PLCH2: variants seen among roughly 807,000 people sequenced by gnomAD.
PLCH2 encodes 1-phosphatidylinositol 4,5-bisphosphate phosphodiesterase eta-2.
PLCH2 carries 98 observed loss-of-function variants against 134.7 expected under a neutral mutation model. The ratio of observed to expected loss-of-function variants is 0.73; its 90% CI spans 0.62 to 0.86. The LOEUF (loss-of-function observed/expected upper bound fraction) is 0.86, where lower values mean the gene tolerates loss of function less well. Among genes scored for constraint, PLCH2 ranks in the 40% least tolerant of loss-of-function variants. The pLI is 0.00. For missense variants in PLCH2, 1,994 were observed against 1,986.6 expected, an observed-to-expected ratio of 1.00 and a Z score of -0.07; for synonymous variants, 974 against 827.5, an observed-to-expected ratio of 1.18 and a Z score of -3.04.
Position 2,505,001 on chromosome 1 carries a change from C to A in PLCH2, c.4039C>A (p.Arg1347Ser), listed in dbSNP as rs755753283. 5 of 1,545,740 alleles carry A rather than the reference C, an allele frequency of 3.2e-6. 1 individual carries two copies. The Admixed American group carries it at 7.7e-5, about 24-fold the overall frequency. ...CTCCTCCCGCAGCCACAGCCGCGTG[C>A]GTGCCATTGCCAGCCGGGCCCGCCA... ...RSSSRSHSRV[R>S]AIASRARQAQ... The change falls in exon 22 of 22, where the codon CGT becomes AGT. Residue 1347 changes from arginine (R) to serine (S), a missense_variant. Arg to Ser is a moderately radical substitution (Grantham distance 110, BLOSUM62 -1). Around this residue, in one of 2 missense-constraint regions of PLCH2, gnomAD observed 900 missense variants for 752.3 expected, o/e 1.20. Transcript: ENST00000378486.
At chr1:2,503,533 C>T (rs367597512) in intron 21 of PLCH2, 69 of 682,218 alleles carry the variant, frequency 1.0e-4, no homozygotes, top group East Asian at 8.4e-4. Context: ...GGGACATACA[C>T]GGAGCCCGCC....
Position 2,489,357 on chromosome 1 carries a change from C to G in PLCH2, c.1386C>G (p.Leu462=), listed in dbSNP as rs1642440587. ...CCACACTCCCCTCTCCACAGATGCT[C>G]AAGGGCAAGATCCTCGTGAAGGTGA... The part of the protein sequence containing the change: ...DATTLPSPQM[L]KGKILVKGKK... Residue 462 remains leucine (L), a synonymous_variant, in exon 9 of 22, where the codon CTC becomes CTG. Coordinates refer to ENST00000378486, the MANE Select transcript of PLCH2 (RefSeq NM_014638.4). 1 of 1,613,754 alleles carries G rather than the reference C, an allele frequency of 6.2e-7. No homozygotes were observed. The highest frequency in any genetic ancestry group is 1.1e-5 in the South Asian group (1 of 91,076).
rs532102312 is a variant in PLCH2 at position 2,467,464 on chromosome 1, G to C, written c.-156G>C. ...CTCGCCTTCCTCACCTTCCTCACGG[G>C]CGGGCGCGGCAGGGCAGCGTGTGGG... On this transcript the variant is annotated 5_prime_UTR_variant, in exon 1 of 22. Transcript: ENST00000449969. 8.0e-4 allele frequency: 315 copies of C among 393,008 alleles called. 2 individuals carry two copies. Among genetic ancestry groups the C allele is most frequent in the African/African-American group, 6.0e-3 (291 of 48,422 alleles). The allele number at this position is 393,008 out of a possible 1,614,324, so 24.3% of individuals were successfully genotyped here. A position where few individuals can be genotyped will look rare whatever the true frequency, so the allele number is the denominator to read the frequency against.
upstream of PLCH2, among the ~76,000 whole-genome samples, chr1:2,475,389 G>T (rs1641559756): frequency 6.6e-6 from 1 of 152,242 alleles, no homozygotes; most frequent in Non-Finnish European, 1.5e-5. Flanking sequence ...CGAAGCATGG[G>T]CATGGCCAGG....
At position 2,450,468 on chromosome 1, in the gene PLCH2, G is replaced by A. The variant is rs371635538; in HGVS notation, c.115+19839G>A. On this transcript the variant is annotated intron_variant, in intron 2 of 3. Coordinates refer to the PLCH2 transcript ENST00000609981. The stretch of plus-strand genomic sequence containing the variant: ...GCTCGTTACCAAGTGCCCCCAACTC[G>A]GCCTGCCTCCCTATTCAGCCTGCGC... 9.2e-4 allele frequency among the ~76,000 whole-genome samples: 138 copies of A among 150,460 alleles called. 1 individual carries two copies. The East Asian group carries it at 0.024, about 26-fold the overall frequency.
chr1:2,465,048 C>T (rs1432537545), upstream of PLCH2, among the ~76,000 whole-genome samples: 3 of 152,156 alleles, frequency 2.0e-5, no homozygotes, highest in Admixed American at 2.0e-4. Flanking sequence ...AGCAGGTGTG[C>T]AGTGTTTCCA....
intron 21 of PLCH2, 169 bp downstream of exon 21, chr1:2,502,578 C>A: frequency 1.3e-6 from 1 of 768,764 alleles, no homozygotes; most frequent in South Asian, 1.5e-5. Context: ...CCACCCAGCC[C>A]GGGGCCTGCA....
At chr1:2,441,730 G>A (rs1639701075) in intron 2 of PLCH2, among the ~76,000 whole-genome samples, 1 of 152,122 alleles carries the variant, frequency 6.6e-6, no homozygotes, top group African/African-American at 2.4e-5. Context: ...CCGTGGGCCA[G>A]TGTGGCCAAG....
chr1:2,473,478 G>A (rs945312322), upstream of PLCH2, among the ~76,000 whole-genome samples: 4 of 152,218 alleles, frequency 2.6e-5, no homozygotes, highest in African/African-American at 4.8e-5. Flanking sequence ...GCATCTGTGT[G>A]GGAGGCTTCT....
Position 2,498,324 on chromosome 1 carries a change from G to A in PLCH2, c.2225-199G>A, listed in dbSNP as rs866870827. 1.0e-5 allele frequency: 6 copies of A among 591,946 alleles called. No homozygotes were observed. The highest frequency in any genetic ancestry group is 2.8e-5 in the East Asian group (1 of 35,126). The allele number at this position is 591,946 out of a possible 1,614,324, so 36.7% of individuals were successfully genotyped here. A position where few individuals can be genotyped will look rare whatever the true frequency, so the allele number is the denominator to read the frequency against. Reference sequence around the variant, plus strand: ...GCATGGGCTCTGTCCCACATGCTGCGGTAGCCACAAAGGTGATCCATACTG... The same window carrying A: ...GCATGGGCTCTGTCCCACATGCTGCAGTAGCCACAAAGGTGATCCATACTG... On this transcript the variant is annotated intron_variant, in intron 16 of 21. Coordinates refer to ENST00000378486, the MANE Select transcript of PLCH2 (RefSeq NM_014638.4). This position sits in a 1 kb window ranked among gnomAD's most constrained non-coding sequence, Gnocchi z 5.4.
intron 2 of PLCH2, among the ~76,000 whole-genome samples, chr1:2,453,975 G>A (rs1215165508): frequency 1.3e-5 from 2 of 152,038 alleles, no homozygotes; most frequent in Admixed American, 6.5e-5. Context: ...GTGTGTGGGG[G>A]CCTCTGAGAG....
rs368274546 is a variant in PLCH2, at chr1:2,484,476, C to A, written c.674C>A (p.Thr225Lys). 1.9e-6 allele frequency: 3 copies of A among 1,613,140 alleles called. No homozygotes were observed. Among genetic ancestry groups the A allele is most frequent in the Non-Finnish European group, 2.5e-6 (3 of 1,179,746 alleles). ...GCGGACACGGATGACCACCAAGGGA[C>A]GCTGGGTTTTGAAGAGTTCTGTGCC... is the stretch of plus-strand genomic sequence containing the variant. ...READTDDHQGTLGFEEFCAFY... is the reference protein window; with the variant it reads ...READTDDHQGKLGFEEFCAFY... Residue 225 changes from threonine (T) to lysine (K), a missense_variant, in exon 5 of 22, where the codon ACG becomes AAG. Physicochemically the swap from Thr to Lys is moderately conservative, Grantham distance 78. Around this residue, in one of 2 missense-constraint regions of PLCH2, gnomAD observed 1,094 missense variants for 1,234.3 expected, o/e 0.89. Transcript: ENST00000378486.
In PLCH2 at chr1:2,496,887, C is replaced by G; in HGVS notation, c.1993C>G (p.Gln665Glu). ...GACCAAGGCCCACCAGATTCTGCAG[C>G]AGAAGCCGGCGCAGTACCTACGCTT... is the stretch of plus-strand genomic sequence containing the variant. ...SETKAHQILQQKPAQYLRFNQ... is the reference protein window; with the variant it reads ...SETKAHQILQEKPAQYLRFNQ... The change falls in exon 15 of 22, where the codon CAG becomes GAG. Residue 665 changes from glutamine to glutamate, a missense_variant. Transcript: ENST00000378486. 1 of 1,613,040 alleles carries G rather than the reference C, an allele frequency of 6.2e-7. No homozygotes were observed. The highest frequency in any genetic ancestry group is 8.5e-7 in the Non-Finnish European group (1 of 1,179,850).
intron 2 of PLCH2, among the ~76,000 whole-genome samples, chr1:2,432,406 G>C (rs954213115): frequency 6.6e-6 from 1 of 152,186 alleles, no homozygotes; most frequent in Non-Finnish European, 1.5e-5. Flanking sequence ...TGCCCTGCTG[G>C]CCCCTCATGG....
intron 11 of PLCH2, 76 bp from the exon 12 acceptor site, chr1:2,494,780 C>T: frequency 9.2e-7 from 1 of 1,082,094 alleles, no homozygotes; most frequent in South Asian, 1.3e-5. Flanking sequence ...CTTCTGGGAC[C>T]ACCAGGGGCT....
chr1:2,443,557 A>G (rs1276154440), intron 2 of PLCH2, among the ~76,000 whole-genome samples: 1 of 151,796 alleles, frequency 6.6e-6, no homozygotes, highest in African/African-American at 2.4e-5. Flanking sequence ...TTTGCGGAGA[A>G]AGTACTTTGG....
At position 2,485,381 on chromosome 1, in the gene PLCH2, G is replaced by A. The variant is rs566929996; in HGVS notation, c.816+763G>A. On this transcript the variant is annotated intron_variant, in intron 5 of 21. Coordinates refer to ENST00000378486, the MANE Select transcript of PLCH2 (RefSeq NM_014638.4). ...AAGGCCGGAGCCCCAGTGGGGACAG[G>A]GATCCATGGGAGGGGCTCAGACTGT... Among the ~76,000 whole-genome samples, 5 of 152,356 alleles carry A rather than the reference G, an allele frequency of 3.3e-5. No homozygotes were observed. In the East Asian group the frequency reaches 5.8e-4, roughly 18 times the overall value.
chr1:2,476,425 C>T lies in PLCH2; in HGVS notation c.-164C>T. 3.0e-6 allele frequency: 2 copies of T among 666,078 alleles called. No individual in the cohort carries two copies. The highest frequency in any genetic ancestry group is 2.4e-6 in the Non-Finnish European group (1 of 415,930). The allele number at this position is 666,078 out of a possible 1,614,324, so 41.3% of individuals were successfully genotyped here. ...CAATGCCAGCCGGGCCTGGGCACAGCCCTGTGGGGGCTTCGGAGGGCCCTG... is the reference window on the plus strand; with the variant it reads ...CAATGCCAGCCGGGCCTGGGCACAGTCCTGTGGGGGCTTCGGAGGGCCCTG... On this transcript the variant is annotated 5_prime_UTR_variant, in exon 1 of 22. Transcript: ENST00000378486.
chr1:2,498,868 G>C lies in PLCH2; in HGVS notation c.2434+40G>C. On this transcript the variant is annotated intron_variant, in intron 18 of 21. Coordinates refer to ENST00000378486, the MANE Select transcript of PLCH2 (RefSeq NM_014638.4). This position sits in a 1 kb window ranked among gnomAD's most constrained non-coding sequence, Gnocchi z 5.4. ...TGGCTCCGTCACACCTGTGATGGAA[G>C]TCTGAGGGGGGAGGGTTGGGGCTAC... is the stretch of plus-strand genomic sequence containing the variant. The C allele has an allele frequency of 1.3e-6, 2 of 1,511,212 alleles. No individual in the cohort carries two copies. The highest frequency in any genetic ancestry group is 2.3e-5 in the South Asian group (2 of 86,156). The allele number at this position is 1,511,212 out of a possible 1,614,324, so 93.6% of individuals were successfully genotyped here.
Sources: gnomAD v4.1 joint callset for allele counts (sites outside exome capture counted in the v4.1 genomes callset) on GRCh38, gnomAD v4.1.1 for gene constraint, gnomAD v4.1.1 regional missense constraint, Gnocchi (gnomAD v3.1) non-coding constraint, MANE v1.5 for transcripts, NCBI Gene and HGNC (gene_info 2026-07-23, HGNC 2026-07-21) for gene names.